The following GAS2L3 variants were observed in gnomAD, a reference collection of about 807,000 sequenced individuals.
The protein encoded by GAS2L3 is growth arrest specific 2 like 3, also known as GAS2-like protein 3.
A neutral mutation model predicts 37.0 loss-of-function variants in GAS2L3; 28 were observed. That is an observed-to-expected ratio of 0.76 (90% CI 0.56 to 1.04). The LOEUF is 1.04. Among genes scored for constraint, GAS2L3 ranks in the 50% least tolerant of loss-of-function variants. The pLI, the probability that GAS2L3 is intolerant of heterozygous loss-of-function variation, is 0.00. For missense variants in GAS2L3, 793 were observed against 817.6 expected (o/e 0.97, Z 0.37); for synonymous variants, 290 against 296.6 (o/e 0.98, Z 0.23).
Position 100,587,345 on chromosome 12 carries a change from G to A in GAS2L3, c.-151-4391G>A, listed in dbSNP as rs141002732. Among the ~76,000 whole-genome samples the A allele has an allele frequency of 4.6e-3, 705 of 152,264 alleles. 7 individuals carry two copies. The highest frequency in any genetic ancestry group is 0.016 in the African/African-American group (655 of 41,544). On this transcript the variant is annotated intron_variant, in intron 1 of 9. Transcript: ENST00000547754. ...AATCTTTGTAATTGACAAAATACTA[G>A]CTAACTGAATCCAACAACATATCAA...
At chr12:100,578,771 G>A in intron 1 of GAS2L3, 1 of 578,294 alleles carries the variant, frequency 1.7e-6, no homozygotes, top group Non-Finnish European at 3.2e-6. Context: ...AGGTGGGCAT[G>A]GCCAGCCTCC....
At chr12:100,575,756 G>A (rs187461189) in intron 1 of GAS2L3, among the ~76,000 whole-genome samples, 4 of 152,164 alleles carry the variant, frequency 2.6e-5, no homozygotes, top group African/African-American at 9.6e-5. Flanking sequence ...GGGATTACAG[G>A]CATGAGTCAC....
intron 1 of GAS2L3, among the ~76,000 whole-genome samples, chr12:100,586,533 C>G (rs1255885840): frequency 1.3e-5 from 2 of 152,156 alleles, no homozygotes; most frequent in African/African-American, 4.8e-5. Flanking sequence ...TTGAACTGAA[C>G]TACAGTAGTG....
At chr12:100,614,202 A>C (rs1015789567) in intron 6 of GAS2L3, among the ~76,000 whole-genome samples, 7 of 152,056 alleles carry the variant, frequency 4.6e-5, no homozygotes, top group Non-Finnish European at 1.0e-4. Flanking sequence ...ATTGGCTCAC[A>C]CCTGTAATCC....
chr12:100,595,603 G>T (rs1321479072), intron 3 of GAS2L3, among the ~76,000 whole-genome samples: 1 of 151,960 alleles, frequency 6.6e-6, no homozygotes, highest in Non-Finnish European at 1.5e-5. Flanking sequence ...TGCCTGGAAA[G>T]AAGCAAGCAA....
At chr12:100,599,897 G>T (rs1955963499) in intron 3 of GAS2L3, among the ~76,000 whole-genome samples, 1 of 152,136 alleles carries the variant, frequency 6.6e-6, no homozygotes, top group Admixed American at 6.5e-5. Context: ...TTAATTCGGG[G>T]TTTTCTTACA....
At chr12:100,588,534 A>G (rs1009006761) in intron 1 of GAS2L3, among the ~76,000 whole-genome samples, 13 of 152,240 alleles carry the variant, frequency 8.5e-5, no homozygotes, top group South Asian at 2.1e-4. Context: ...ATAAGGGTCT[A>G]TGTTCAGCAG....
At chr12:100,594,012 A>G (rs940951980) in intron 2 of GAS2L3, 2 of 152,110 alleles carry the variant, frequency 1.3e-5, no homozygotes, top group Admixed American at 6.6e-5. Context: ...TATGTCTGAT[A>G]TAACTTAGAG....
At chr12:100,580,331 A>G (rs1479069971) in intron 1 of GAS2L3, 4 of 299,354 alleles carry the variant, frequency 1.3e-5, no homozygotes, top group South Asian at 7.5e-5. Flanking sequence ...TGCTACTTCT[A>G]TATCATTCAA....
chr12:100,576,243 A>G (rs1312390968), intron 1 of GAS2L3, among the ~76,000 whole-genome samples: 1 of 152,164 alleles, frequency 6.6e-6, no homozygotes, highest in Non-Finnish European at 1.5e-5. Flanking sequence ...CTATGTTTTT[A>G]CTAAGCTACT....
At chr12:100,615,454 T>C (rs1056607526) in intron 6 of GAS2L3, among the ~76,000 whole-genome samples, 18 of 152,202 alleles carry the variant, frequency 1.2e-4, no homozygotes, top group African/African-American at 3.9e-4. Context: ...GTTATTTTTT[T>C]ACTTTCTTGA....
At chr12:100,610,156 C>G (rs954706159) in intron 5 of GAS2L3, among the ~76,000 whole-genome samples, 1 of 152,282 alleles carries the variant, frequency 6.6e-6, no homozygotes, top group Middle Eastern at 3.4e-3. Context: ...CATAGTTCTA[C>G]TTGTAGCAGT....
intron 1 of GAS2L3, among the ~76,000 whole-genome samples, chr12:100,574,693 A>G (rs1955613471): frequency 6.6e-6 from 1 of 152,212 alleles, no homozygotes; most frequent in Non-Finnish European, 1.5e-5. Flanking sequence ...TTGTGTGAAG[A>G]GCAAAAAACA....
At chr12:100,617,850 T>C (rs765506754) in intron 7 of GAS2L3, 43 bp downstream of exon 7, 21 of 1,147,946 alleles carry the variant, frequency 1.8e-5, no homozygotes, top group Non-Finnish European at 1.2e-5. Context: ...GTTATAAACA[T>C]TTTAAATCTA....
intron 5 of GAS2L3, among the ~76,000 whole-genome samples, chr12:100,605,740 A>G (rs1201128444): frequency 6.6e-6 from 1 of 151,536 alleles, no homozygotes; most frequent in African/African-American, 2.4e-5. Context: ...TAATTTCCTC[A>G]TTGACCCACT....
In GAS2L3 at chr12:100,627,198, G is replaced by T. The variant is rs1181335746; in HGVS notation, c.*2308G>T. 6.6e-6 allele frequency among the ~76,000 whole-genome samples: 1 copy of T among 151,988 alleles called. No homozygotes were observed. The highest frequency in any genetic ancestry group is 1.9e-4 in the East Asian group (1 of 5,194). On this transcript the variant is annotated 3_prime_UTR_variant, in exon 10 of 10. Coordinates refer to ENST00000547754, the MANE Select transcript of GAS2L3 (RefSeq NM_174942.3). ...AGGGAATTTCTCCAATTACATTCAT[G>T]TTGAATGAATTTTTATTTATATATA...
chr12:100,597,970 A>T (rs35688), intron 3 of GAS2L3, among the ~76,000 whole-genome samples: 52,566 of 151,790 alleles, frequency 0.35, 9,686 homozygotes, highest in African/African-American at 0.48. Flanking sequence ...TGGTTTTTTT[A>T]AAAAAAAATT....
intron 7 of GAS2L3, 140 bp from the exon 8 acceptor site, chr12:100,618,309 G>A: frequency 1.3e-6 from 1 of 795,318 alleles, no homozygotes; most frequent in South Asian, 2.0e-5. Flanking sequence ...ACATTAAAAA[G>A]CATTTTCAAA....
intron 1 of GAS2L3, among the ~76,000 whole-genome samples, chr12:100,590,580 G>A (rs1652541293): frequency 2.6e-5 from 4 of 152,196 alleles, no homozygotes; most frequent in Non-Finnish European, 5.9e-5. Flanking sequence ...TCTACCCAGA[G>A]GAAAAGAAGT....
Sources: gnomAD v4.1 joint callset for allele counts (sites outside exome capture counted in the v4.1 genomes callset) on GRCh38, gnomAD v4.1.1 for gene constraint, MANE v1.5 for transcripts, NCBI Gene and HGNC (gene_info 2026-07-23, HGNC 2026-07-21) for gene names.